Variants in STAG1 observed in about 807,000 individuals in gnomAD.
STAG1 encodes the protein STAG1 cohesin complex component, also known as cohesin subunit SA-1.
A neutral mutation model predicts 170.9 loss-of-function variants in STAG1; 26 were observed. That is an observed-to-expected ratio of 0.15 (90% CI 0.11 to 0.21). STAG1 has a LOEUF of 0.21. STAG1 is among the 10% of genes least tolerant of loss of function. The pLI, the probability that STAG1 is intolerant of heterozygous loss-of-function variation, is 1.00. For synonymous variants in STAG1, 514 were observed against 497.7 expected (o/e 1.03, Z -0.44); for missense variants, 964 against 1,509.5 (o/e 0.64, Z 5.99).
intron 13 of STAG1, 98 bp from the exon 14 acceptor site, chr3:136,452,245 C>T: frequency 1.3e-6 from 1 of 760,400 alleles, no homozygotes; most frequent in Non-Finnish European, 2.3e-6. Context: ...ACAACAACAA[C>T]AAAAAGGGGG....
intron 6 of STAG1, among the ~76,000 whole-genome samples, chr3:136,527,608 C>A (rs1181104005): frequency 6.6e-6 from 1 of 152,196 alleles, no homozygotes; most frequent in African/African-American, 2.4e-5. Context: ...CTCCCTCCCG[C>A]TTTGTTCCGT....
intron 25 of STAG1, among the ~76,000 whole-genome samples, 191 bp downstream of exon 25, chr3:136,366,752 G>C (rs1937088349): frequency 6.6e-6 from 1 of 152,026 alleles, no homozygotes; most frequent in East Asian, 1.9e-4. Flanking sequence ...ATAAATGCTG[G>C]AACTCCTACT....
intron 3 of STAG1, among the ~76,000 whole-genome samples, chr3:136,611,474 T>C (rs1939273409): frequency 6.6e-6 from 1 of 151,694 alleles, no homozygotes; most frequent in Non-Finnish European, 1.5e-5. Context: ...ATTTTGTGCA[T>C]GAAACAAAGT....
At chr3:136,682,909 T>C (rs1942387418) in intron 1 of STAG1, among the ~76,000 whole-genome samples, 1 of 152,214 alleles carries the variant, frequency 6.6e-6, no homozygotes, top group Admixed American at 6.5e-5. Context: ...ATGCAGTATA[T>C]ACATAACATG....
chr3:136,660,909 A>G (rs6763239), intron 1 of STAG1, among the ~76,000 whole-genome samples: 53,134 of 152,018 alleles, frequency 0.35, 10,434 homozygotes, highest in African/African-American at 0.52. Flanking sequence ...TTCAAGGCTG[A>G]AGTAAGCCAT....
At chr3:136,381,210 T>A (rs962593649) in intron 22 of STAG1, among the ~76,000 whole-genome samples, 3 of 151,926 alleles carry the variant, frequency 2.0e-5, no homozygotes, top group African/African-American at 7.3e-5. Context: ...GTCTTCAGCA[T>A]TTAGATAGCA....
At chr3:136,560,699 G>A (rs935156150) in intron 5 of STAG1, among the ~76,000 whole-genome samples, 1 of 152,176 alleles carries the variant, frequency 6.6e-6, no homozygotes, top group African/African-American at 2.4e-5. Context: ...AGACGTTTCA[G>A]CAGAGTTAGA....
At chr3:136,417,824 A>T in intron 21 of STAG1, 61 bp downstream of exon 21, 1 of 1,252,504 alleles carries the variant, frequency 8.0e-7, no homozygotes, top group Non-Finnish European at 1.2e-6. Flanking sequence ...TCTGATAATC[A>T]TATGACTTCA....
chr3:136,460,836 C>T (rs2089253718), intron 13 of STAG1, among the ~76,000 whole-genome samples: 1 of 152,162 alleles, frequency 6.6e-6, no homozygotes, highest in African/African-American at 2.4e-5. Context: ...GTCAGCATCA[C>T]CCTGATGCCA....
Position 136,696,346 on chromosome 3 carries a change from T to A in STAG1, c.-84+55849A>T, listed in dbSNP as rs546245869. Among the ~76,000 whole-genome samples the A allele has an allele frequency of 5.9e-5, 9 of 152,298 alleles. No homozygotes were observed. In the East Asian group the frequency reaches 1.7e-3, roughly 29 times the overall value. On this transcript the variant is annotated intron_variant, in intron 1 of 33. Coordinates refer to ENST00000383202, the MANE Select transcript of STAG1 (RefSeq NM_005862.3). The stretch of plus-strand genomic sequence containing the variant: ...TAAATGCTTTTTCCTCCTTGGCCCC[T>A]TGACTCCAGTTTAGCTAGGTATGAC...
At chr3:136,697,082 T>C (rs533414384) in intron 1 of STAG1, among the ~76,000 whole-genome samples, 2 of 152,350 alleles carry the variant, frequency 1.3e-5, no homozygotes, top group East Asian at 3.9e-4. Flanking sequence ...GCTAAGTTAG[T>C]ATTTATGATG....
rs1036544033 is a variant in STAG1 at position 136,603,415 on chromosome 3, T to G, written c.297+894A>C. Among the ~76,000 whole-genome samples, 44 of 66,460 alleles carry G rather than the reference T, an allele frequency of 6.6e-4. 1 individual carries two copies. Among genetic ancestry groups the G allele is most frequent in the African/African-American group, 2.0e-3 (43 of 21,310 alleles). The allele number at this position is 66,460 out of a possible 152,430, so 43.6% of individuals were successfully genotyped here. ...AGCCAAATAATTCCACCTCTAGCAT[T>G]TTAAAATGTTAAAAATGTAGAGACG... On this transcript the variant is annotated intron_variant, in intron 4 of 33. Coordinates refer to ENST00000383202, the MANE Select transcript of STAG1 (RefSeq NM_005862.3).
intron 15 of STAG1, among the ~76,000 whole-genome samples, chr3:136,437,939 T>G (rs2088505815): frequency 6.6e-6 from 1 of 152,348 alleles, no homozygotes; most frequent in South Asian, 2.1e-4. Flanking sequence ...AAACAATGTT[T>G]ATGAAAGGGA....
chr3:136,514,701 G>A (rs1294860546), intron 7 of STAG1, among the ~76,000 whole-genome samples: 3 of 152,130 alleles, frequency 2.0e-5, no homozygotes, highest in Non-Finnish European at 4.4e-5. Context: ...AGAAAATGTG[G>A]CACATATACA....
chr3:136,348,312 T>C (rs1006683284), intron 29 of STAG1, among the ~76,000 whole-genome samples: 1 of 151,654 alleles, frequency 6.6e-6, no homozygotes, highest in Non-Finnish European at 1.5e-5. Flanking sequence ...TTTTTTAACA[T>C]ATAGGAATAC....
At chr3:136,613,379 A>G (rs578244126) in intron 3 of STAG1, among the ~76,000 whole-genome samples, 1 of 151,072 alleles carries the variant, frequency 6.6e-6, no homozygotes, top group East Asian at 1.9e-4. Flanking sequence ...CAGGAAACTG[A>G]TATTGTCAGA....
intron 13 of STAG1, among the ~76,000 whole-genome samples, chr3:136,456,568 G>GAAA (rs986947550): frequency 9.2e-5 from 14 of 152,066 alleles, no homozygotes; most frequent in African/African-American, 2.9e-4. Flanking sequence ...AGACGAGAGA[G>GAAA]AAAAAGGGCC....
intron 6 of STAG1, among the ~76,000 whole-genome samples, chr3:136,527,347 C>T (rs1013627270): frequency 3.3e-5 from 5 of 152,140 alleles, no homozygotes; most frequent in Admixed American, 3.3e-4. Context: ...TTCATTTGAT[C>T]TTCAATCACC....
At chr3:136,692,309 ATC>A (rs1942753058) in intron 1 of STAG1, among the ~76,000 whole-genome samples, 1 of 96,896 alleles carries the variant, frequency 1.0e-5, no homozygotes, top group African/African-American at 4.6e-5. Flanking sequence ...GCAAGACTCC[ATC>A]TCAAAAAAAA....
Sources: gnomAD v4.1 joint callset for allele counts (sites outside exome capture counted in the v4.1 genomes callset) on GRCh38, gnomAD v4.1.1 for gene constraint, MANE v1.5 for transcripts, NCBI Gene and HGNC (gene_info 2026-07-23, HGNC 2026-07-21) for gene names.